Variants in AKAP6 observed in about 807,000 individuals in gnomAD.
AKAP6 encodes the protein A-kinase anchor protein 6.
AKAP6 carries 58 observed loss-of-function variants against 188.5 expected under a neutral mutation model. The observed-to-expected ratio is 0.31, with a 90% confidence interval of 0.25 to 0.38. The LOEUF (loss-of-function observed/expected upper bound fraction) is 0.38, where lower values mean the gene tolerates loss of function less well. Among genes scored for constraint, AKAP6 ranks in the 10% least tolerant of loss-of-function variants. AKAP6 has a pLI of 1.00. For missense variants in AKAP6, 2,710 were observed against 2,740.0 expected, an observed-to-expected ratio of 0.99 and a Z score of 0.24; for synonymous variants, 989 against 998.6, an observed-to-expected ratio of 0.99 and a Z score of 0.18.
chr14:32,808,237 G>A (rs2300855), intron 12 of AKAP6, among the ~76,000 whole-genome samples: 3 of 152,014 alleles, frequency 2.0e-5, no homozygotes, highest in Non-Finnish European at 4.4e-5. Flanking sequence ...GTCAGAAAGG[G>A]TCAATTGATT....
chr14:32,811,740 C>A (rs117859278), intron 12 of AKAP6, among the ~76,000 whole-genome samples: 1 of 152,102 alleles, frequency 6.6e-6, no homozygotes, highest in East Asian at 1.9e-4. Context: ...GTAAAGGGCA[C>A]GGTTCCTAAA....
At chr14:32,450,756 G>A (rs1311640413) in intron 2 of AKAP6, among the ~76,000 whole-genome samples, 1 of 152,010 alleles carries the variant, frequency 6.6e-6, no homozygotes, top group Non-Finnish European at 1.5e-5. Context: ...CTTTTCTTGA[G>A]GTTTCTTTTT....
intron 11 of AKAP6, among the ~76,000 whole-genome samples, chr14:32,760,583 T>C (rs1712606736): frequency 6.6e-6 from 1 of 152,204 alleles, no homozygotes; most frequent in Non-Finnish European, 1.5e-5. Context: ...AAATGTTAGA[T>C]GGCATAAATG....
At chr14:32,354,089 A>G (rs1887393480) in intron 1 of AKAP6, among the ~76,000 whole-genome samples, 1 of 152,146 alleles carries the variant, frequency 6.6e-6, no homozygotes, top group Non-Finnish European at 1.5e-5. Flanking sequence ...GACTTTGTTC[A>G]CAGAATTGGA....
intron 9 of AKAP6, among the ~76,000 whole-genome samples, chr14:32,729,793 C>T (rs1207530795): frequency 6.6e-6 from 1 of 152,136 alleles, no homozygotes; most frequent in African/African-American, 2.4e-5. Context: ...GAAAAGCTTT[C>T]TGACTTTAAC....
chr14:32,828,134 A>G (rs2034721825), intron 13 of AKAP6, among the ~76,000 whole-genome samples: 1 of 152,168 alleles, frequency 6.6e-6, no homozygotes, highest in Non-Finnish European at 1.5e-5. Flanking sequence ...AATTACTTGT[A>G]TTTGTGCATG....
At chr14:32,706,565 A>G (rs1890820028) in intron 9 of AKAP6, among the ~76,000 whole-genome samples, 1 of 152,194 alleles carries the variant, frequency 6.6e-6, no homozygotes, top group African/African-American at 2.4e-5. Context: ...GAGATGCTCT[A>G]TAGGAATATC....
At chr14:32,587,276 T>C (rs17099331) in intron 5 of AKAP6, among the ~76,000 whole-genome samples, 14,307 of 152,160 alleles carry the variant, frequency 0.094, 2,233 homozygotes, top group African/African-American at 0.33. Flanking sequence ...AGGAAATTAG[T>C]CTCTTCTCTG....
chr14:32,707,941 G>A lies in AKAP6; in HGVS notation c.3000+11831G>A, dbSNP rs143304825. Among the ~76,000 whole-genome samples the A allele has an allele frequency of 1.1e-3, 164 of 152,048 alleles. 1 individual carries two copies. Among genetic ancestry groups the A allele is most frequent in the Non-Finnish European group, 2.0e-3 (137 of 67,940 alleles). On this transcript the variant is annotated intron_variant, in intron 9 of 13. Transcript: ENST00000280979. ...TAGTAGGGAAAGAATAAGGCAGAGA[G>A]GAAGGGAAGGACAAAGACACCCATG...
chr14:32,670,529 A>T (rs912824863), intron 7 of AKAP6, among the ~76,000 whole-genome samples: 1 of 152,180 alleles, frequency 6.6e-6, no homozygotes, highest in Non-Finnish European at 1.5e-5. Flanking sequence ...CATTGAAGGT[A>T]AAAAAGATTG....
intron 2 of AKAP6, among the ~76,000 whole-genome samples, chr14:32,479,095 C>T (rs1879212237): frequency 6.6e-6 from 1 of 152,174 alleles, no homozygotes; most frequent in Non-Finnish European, 1.5e-5. Context: ...ACCAAGTAGA[C>T]ATCGACTCAC....
intron 11 of AKAP6, among the ~76,000 whole-genome samples, chr14:32,764,586 C>G (rs2032645170): frequency 6.6e-6 from 1 of 152,116 alleles, no homozygotes; most frequent in African/African-American, 2.4e-5. Flanking sequence ...TTCAGGCTGC[C>G]TGGGTTAAAA....
intron 11 of AKAP6, among the ~76,000 whole-genome samples, chr14:32,765,229 G>A (rs1027887155): frequency 4.6e-5 from 7 of 151,996 alleles, no homozygotes; most frequent in African/African-American, 7.2e-5. Context: ...CACCGCACCC[G>A]GCTTCAAGTG....
At chr14:32,562,690 G>C (rs908466289) in intron 4 of AKAP6, among the ~76,000 whole-genome samples, 9 of 152,068 alleles carry the variant, frequency 5.9e-5, no homozygotes, top group Non-Finnish European at 1.3e-4. Flanking sequence ...CCTGGGAGGC[G>C]GAGTTTGCAG....
intron 1 of AKAP6, among the ~76,000 whole-genome samples, chr14:32,411,852 G>A (rs1889497582): frequency 6.6e-6 from 1 of 150,798 alleles, no homozygotes. Flanking sequence ...GGGAGCAGAG[G>A]CTAATGAGAA....
chr14:32,681,022 T>C (rs991022630), intron 8 of AKAP6, among the ~76,000 whole-genome samples: 2 of 152,244 alleles, frequency 1.3e-5, no homozygotes, highest in African/African-American at 4.8e-5. Flanking sequence ...GAGTCTCCGG[T>C]GATTATCAAC....
chr14:32,820,515 G>A (rs1383215900), intron 12 of AKAP6, among the ~76,000 whole-genome samples: 1 of 152,012 alleles, frequency 6.6e-6, no homozygotes, highest in Non-Finnish European at 1.5e-5. Context: ...CTTCATCCTG[G>A]GGTGGTCAGG....
rs572220551 is a variant in AKAP6 at position 32,722,721 on chromosome 14, A to G, written c.3001-9733A>G. On this transcript the variant is annotated intron_variant, in intron 9 of 13. Coordinates refer to ENST00000280979, the MANE Select transcript of AKAP6 (RefSeq NM_004274.5). ...TAGGGAAAGATTATCTTCTCACTCC[A>G]TCGCCTTCCCAGCTCCCCATCCCAG... Among the ~76,000 whole-genome samples the G allele has an allele frequency of 3.9e-4, 59 of 152,198 alleles. No individual in the cohort carries two copies. In the South Asian group the frequency reaches 0.012, roughly 31 times the overall value.
intron 12 of AKAP6, among the ~76,000 whole-genome samples, chr14:32,817,451 C>CTGTG (rs5807685): frequency 4.8e-4 from 69 of 144,678 alleles, no homozygotes; most frequent in African/African-American, 1.6e-3. Context: ...ATCTGTATAG[C>CTGTG]TGTGTGTGTG....
Sources: gnomAD v4.1 joint callset for allele counts (sites outside exome capture counted in the v4.1 genomes callset) on GRCh38, gnomAD v4.1.1 for gene constraint, MANE v1.5 for transcripts, NCBI Gene and HGNC (gene_info 2026-07-23, HGNC 2026-07-21) for gene names.